The following PCIF1 variants were observed in gnomAD, a reference collection of about 807,000 sequenced individuals.
The protein encoded by PCIF1 is mRNA (2'-O-methyladenosine-N(6)-)-methyltransferase.
Under a neutral mutation model 86.9 loss-of-function variants are expected in PCIF1, and 12 were observed. The observed-to-expected ratio is 0.14, with a 90% CI of 0.09 to 0.22. PCIF1 has a LOEUF of 0.22. PCIF1 is among the 10% of genes least tolerant of loss of function. The pLI, the probability that PCIF1 is intolerant of heterozygous loss-of-function variation, is 1.00. For synonymous variants in PCIF1, 397 were observed against 372.0 expected (o/e 1.07, Z -0.77); for missense variants, 701 against 951.1 (o/e 0.74, Z 3.46).
rs1409344941 is a variant in PCIF1, at chr20:45,940,652, G to A, written c.387+40G>A. Reference sequence around the variant, plus strand: ...CCAGGAGCCGGCTGCCGAGCGGCCGGCTCAGACGGGCCGCCTGCAGGCTCC... The same window carrying A: ...CCAGGAGCCGGCTGCCGAGCGGCCGACTCAGACGGGCCGCCTGCAGGCTCC... On this transcript the variant is annotated intron_variant, in intron 5 of 16. Transcript: ENST00000372409. 1.9e-6 allele frequency: 3 copies of A among 1,580,694 alleles called. No individual in the cohort carries two copies. In the African/African-American group the frequency reaches 4.1e-5, roughly 22 times the overall value.
chr20:45,940,995 G>T, intron 6 of PCIF1, 56 bp downstream of exon 6: 1 of 1,614,110 alleles, frequency 6.2e-7, no homozygotes, highest in Non-Finnish European at 8.5e-7. Context: ...GCCTGTCTGG[G>T]ACTGTGGGGT....
chr20:45,945,393 T>C (rs995557855), intron 11 of PCIF1, among the ~76,000 whole-genome samples: 2 of 152,236 alleles, frequency 1.3e-5, no homozygotes, highest in Admixed American at 1.3e-4. Context: ...GCTATTACGA[T>C]GACGGCGATG....
rs1049242732 is a variant in PCIF1 at position 45,947,019 on chromosome 20, C to G, written c.1614-54C>G. ...TAGGGTTGGGGGGTGGCACCTGTTT[C>G]TGGTTGAGGGACTGGGTCCTGATGG... On this transcript the variant is annotated intron_variant, in intron 14 of 16. Coordinates refer to ENST00000372409, the MANE Select transcript of PCIF1 (RefSeq NM_022104.4). This position sits in a 1 kb window ranked among gnomAD's most constrained non-coding sequence, Gnocchi z 5.4. 6.7e-7 allele frequency: 1 copy of G among 1,492,650 alleles called. No homozygotes were observed. 92.5% of individuals were successfully genotyped at this position (1,492,650 alleles called of 1,614,324 possible). A position where few individuals can be genotyped will look rare whatever the true frequency, so the allele number is the denominator to read the frequency against.
chr20:45,940,232 G>A (rs2083457900), intron 4 of PCIF1, among the ~76,000 whole-genome samples: 1 of 152,226 alleles, frequency 6.6e-6, no homozygotes, highest in Non-Finnish European at 1.5e-5. Flanking sequence ...AATAATCTCA[G>A]TGGTGATGTA....
chr20:45,945,560 T>C (rs1045204092), intron 11 of PCIF1, 151 bp from the exon 12 acceptor site: 62 of 1,028,162 alleles, frequency 6.0e-5, no homozygotes, highest in Non-Finnish European at 7.5e-5. Flanking sequence ...GGTTTCTTTT[T>C]ATGGCTTTTC....
chr20:45,940,525 G>T lies in PCIF1; in HGVS notation c.300G>T (p.Leu100Phe). ...CCCCACTGCCCCAAGACTCAAGCTT[G>T]GTGGAAACTCCCCCGGCTGAGAACA... ...NATPLPQDSS[L>F]VETPPAENKP... is the part of the protein sequence containing the mutation. The change falls in exon 5 of 17, where the codon TTG becomes TTT. Residue 100 changes from leucine (L) to phenylalanine (F), a missense_variant. Leu to Phe is a conservative substitution (Grantham distance 22). Transcript: ENST00000372409. The T allele has an allele frequency of 6.2e-7, 1 of 1,608,430 alleles. No individual in the cohort carries two copies. Among genetic ancestry groups the T allele is most frequent in the Non-Finnish European group, 8.5e-7 (1 of 1,177,308 alleles).
At chr20:45,935,160 G>T (rs2083409533) in intron 1 of PCIF1, among the ~76,000 whole-genome samples, 1 of 147,980 alleles carries the variant, frequency 6.8e-6, no homozygotes, top group Non-Finnish European at 1.5e-5. Flanking sequence ...GCGCCAAACA[G>T]CCCACCCTCG....
chr20:45,937,838 A>G (rs1055169411), intron 2 of PCIF1: 27 of 350,744 alleles, frequency 7.7e-5, no homozygotes, highest in Middle Eastern at 6.9e-4. Flanking sequence ...GAAGACGTCT[A>G]TGATGGAGTG....
At chr20:45,940,148 G>A (rs984089299) in intron 4 of PCIF1, among the ~76,000 whole-genome samples, 1 of 152,150 alleles carries the variant, frequency 6.6e-6, no homozygotes, top group African/African-American at 2.4e-5. Flanking sequence ...CTGTTCTTGA[G>A]GAAAATAATG....
At chr20:45,934,916 C>T (rs1224309793) in intron 1 of PCIF1, 112 bp downstream of exon 1, 3 of 396,668 alleles carry the variant, frequency 7.6e-6, no homozygotes, top group Admixed American at 4.4e-5. Context: ...TGCCGCTTGC[C>T]CTGTCTCTGT....
intron 11 of PCIF1, 80 bp downstream of exon 11, chr20:45,945,110 C>G: frequency 6.8e-7 from 1 of 1,462,372 alleles, no homozygotes; most frequent in East Asian, 2.5e-5. Flanking sequence ...GAGACTGAGC[C>G]TCAAGGCCAG....
rs917290693 is a variant in PCIF1 at position 45,943,555 on chromosome 20, A to T, written c.906-111A>T. The T allele has an allele frequency of 1.5e-6, 2 of 1,353,968 alleles. No homozygotes were observed. The highest frequency in any genetic ancestry group is 4.1e-5 in the Admixed American group (2 of 49,350). The allele number at this position is 1,353,968 out of a possible 1,614,324, so 83.9% of individuals were successfully genotyped here. A position where few individuals can be genotyped will look rare whatever the true frequency, so the allele number is the denominator to read the frequency against. Reference sequence around the variant, plus strand: ...AAGTGGGGCCAGCTCCCAAAGGCAGAACAAGGGCTGTGATGGAAGCTAGGG... The same window carrying T: ...AAGTGGGGCCAGCTCCCAAAGGCAGTACAAGGGCTGTGATGGAAGCTAGGG... On this transcript the variant is annotated intron_variant, in intron 9 of 16. Coordinates refer to ENST00000372409, the MANE Select transcript of PCIF1 (RefSeq NM_022104.4). The surrounding 1 kb of genome is among the most constrained non-coding windows in gnomAD (Gnocchi z 5.5).
intron 1 of PCIF1, among the ~76,000 whole-genome samples, chr20:45,935,266 T>C (rs781749458): frequency 3.6e-4 from 54 of 152,034 alleles, no homozygotes; most frequent in Non-Finnish European, 6.3e-4. Context: ...TTGTTCGCCC[T>C]TTGACTCCTC....
At chr20:45,935,907 C>T (rs1049586524) in intron 1 of PCIF1, among the ~76,000 whole-genome samples, 2 of 151,954 alleles carry the variant, frequency 1.3e-5, no homozygotes, top group Non-Finnish European at 2.9e-5. Flanking sequence ...TTTAGCCTCA[C>T]ACTAAGCTGT....
At position 45,947,231 on chromosome 20, in the gene PCIF1, C is replaced by T. The variant is rs776978385; in HGVS notation, c.1708-32C>T. ...GATTGCCAGCCACCTGGGAGGTAGTCCCTGACATCCACCCTGTGTCCCCTT... is the reference window on the plus strand; with the variant it reads ...GATTGCCAGCCACCTGGGAGGTAGTTCCTGACATCCACCCTGTGTCCCCTT... On this transcript the variant is annotated intron_variant, in intron 15 of 16. Transcript: ENST00000372409. The surrounding 1 kb of genome is among the most constrained non-coding windows in gnomAD (Gnocchi z 5.4). The T allele has an allele frequency of 3.1e-6, 5 of 1,600,638 alleles. No homozygotes were observed. The highest frequency in any genetic ancestry group is 4.3e-6 in the Non-Finnish European group (5 of 1,169,914).
chr20:45,938,944 G>C, intron 2 of PCIF1, 37 bp from the exon 3 acceptor site: 1 of 1,606,138 alleles, frequency 6.2e-7, no homozygotes, highest in East Asian at 2.2e-5. Flanking sequence ...GCGGGTGAGG[G>C]GGTGGAGCTG....
At position 45,947,282 on chromosome 20, in the gene PCIF1, C is replaced by T. The variant is rs577092226; in HGVS notation, c.1727C>T (p.Pro576Leu). ...CCACAGAGACTGCTTGAGAGCTCAC[C>T]GGAGCCCCTGTCCTTCATCGTGTTC... ...SHFERLLESSPEPLSFIVFIP... is the reference protein window; with the variant it reads ...SHFERLLESSLEPLSFIVFIP... The change falls in exon 16 of 17, where the codon CCG (proline) becomes CTG (leucine). Residue 576 changes from proline (P) to leucine (L), a missense_variant. By Grantham distance (98) the Pro-to-Leu change is moderately conservative. Around this residue, in one of 7 missense-constraint regions of PCIF1, gnomAD observed 174 missense variants for 206.9 expected, o/e 0.84. Transcript: ENST00000372409. The surrounding 1 kb of genome is among the most constrained non-coding windows in gnomAD (Gnocchi z 5.4). 4.7e-5 allele frequency: 76 copies of T among 1,612,994 alleles called. No homozygotes were observed. Among genetic ancestry groups the T allele is most frequent in the South Asian group, 3.4e-4 (31 of 91,004 alleles).
chr20:45,940,541 G>A lies in PCIF1; in HGVS notation c.316G>A (p.Ala106Thr). ...CTCAAGCTTGGTGGAAACTCCCCCG[G>A]CTGAGAACAAGCCCAGAAAGCGGCA... Reference protein sequence around the residue: ...QDSSLVETPPAENKPRKRQLS... With the variant: ...QDSSLVETPPTENKPRKRQLS... The change falls in exon 5 of 17, where the codon GCT becomes ACT. Residue 106 changes from alanine (A) to threonine (T), a missense_variant. By Grantham distance (58) the Ala-to-Thr change is moderately conservative. This residue lies in a region of PCIF1 where 125 missense variants were observed against 126.8 expected (regional missense o/e 0.99). Coordinates refer to ENST00000372409, the MANE Select transcript of PCIF1 (RefSeq NM_022104.4). 6.2e-7 allele frequency: 1 copy of A among 1,608,652 alleles called. No individual in the cohort carries two copies. Among genetic ancestry groups the A allele is most frequent in the Non-Finnish European group, 8.5e-7 (1 of 1,177,364 alleles).
chr20:45,943,568 A>G lies in PCIF1; in HGVS notation c.906-98A>G. On this transcript the variant is annotated intron_variant, in intron 9 of 16. Coordinates refer to ENST00000372409, the MANE Select transcript of PCIF1 (RefSeq NM_022104.4). This position sits in a 1 kb window ranked among gnomAD's most constrained non-coding sequence, Gnocchi z 5.5. Reference sequence around the variant, plus strand: ...TCCCAAAGGCAGAACAAGGGCTGTGATGGAAGCTAGGGGTTGATACCCAGC... The same window carrying G: ...TCCCAAAGGCAGAACAAGGGCTGTGGTGGAAGCTAGGGGTTGATACCCAGC... 1 of 1,364,694 alleles carries G rather than the reference A, an allele frequency of 7.3e-7. No individual in the cohort carries two copies. The highest frequency in any genetic ancestry group is 1.3e-5 in the South Asian group (1 of 78,940). The allele number at this position is 1,364,694 out of a possible 1,614,324, so 84.5% of individuals were successfully genotyped here.
Sources: allele counts gnomAD v4.1 joint callset (sites outside exome capture counted in the v4.1 genomes callset), GRCh38; gene constraint gnomAD v4.1.1; regional missense constraint gnomAD v4.1.1; non-coding constraint Gnocchi (gnomAD v3.1); transcripts MANE v1.5; gene names NCBI Gene and HGNC (gene_info 2026-07-23, HGNC 2026-07-21).